Variants in DGCR2 observed in about 807,000 individuals in gnomAD.
DGCR2 encodes integral membrane protein DGCR2/IDD.
Under a neutral mutation model 51.6 loss-of-function variants are expected in DGCR2, and 24 were observed. The ratio of observed to expected loss-of-function variants is 0.47; its 90% CI spans 0.34 to 0.65. The LOEUF is 0.65. Among genes scored for constraint, DGCR2 ranks in the 30% least tolerant of loss-of-function variants. The probability of loss-of-function intolerance (pLI) is 0.01; values close to 1 mark genes in which losing one functional copy is unlikely to be tolerated. For missense variants in DGCR2, 765 were observed against 772.1 expected (o/e 0.99, Z 0.11); for synonymous variants, 340 against 315.4 (o/e 1.08, Z -0.82).
At chr22:19,115,850 G>A (rs1273731105) in intron 1 of DGCR2, among the ~76,000 whole-genome samples, 1 of 152,164 alleles carries the variant, frequency 6.6e-6, no homozygotes, top group African/African-American at 2.4e-5. Context: ...GCCACCTCCT[G>A]AGGGAGCTCT....
intron 2 of DGCR2, among the ~76,000 whole-genome samples, chr22:19,070,624 C>T (rs189868202): frequency 2.1e-4 from 32 of 152,340 alleles, no homozygotes; most frequent in Non-Finnish European, 4.3e-4. Flanking sequence ...TGAGTGAAGT[C>T]ATCTGCCCCC....
chr22:19,092,893 A>G (rs1223000705), intron 1 of DGCR2, among the ~76,000 whole-genome samples: 1 of 120,158 alleles, frequency 8.3e-6, no homozygotes, highest in African/African-American at 3.5e-5. Context: ...AGAAAGAAAA[A>G]TGAAGAGGAG....
chr22:19,051,601 C>T (rs767137529), intron 6 of DGCR2, among the ~76,000 whole-genome samples: 1 of 152,148 alleles, frequency 6.6e-6, no homozygotes, highest in African/African-American at 2.4e-5. Flanking sequence ...CGGTGCACAC[C>T]TACAGTTCCA....
intron 1 of DGCR2, among the ~76,000 whole-genome samples, chr22:19,118,260 A>G (rs959028396): frequency 6.6e-6 from 1 of 150,440 alleles, no homozygotes; most frequent in African/African-American, 2.5e-5. Context: ...AATCAAAGTT[A>G]CTCTGGAGGC....
intron 2 of DGCR2, among the ~76,000 whole-genome samples, chr22:19,073,588 C>T (rs915017584): frequency 6.6e-6 from 1 of 152,136 alleles, no homozygotes; most frequent in African/African-American, 2.4e-5. Flanking sequence ...AGGAAGAAAA[C>T]AAGTTATGTT....
intron 1 of DGCR2, among the ~76,000 whole-genome samples, 190 bp from the exon 2 acceptor site, chr22:19,089,680 A>T (rs914143564): frequency 1.3e-5 from 2 of 152,244 alleles, no homozygotes; most frequent in Non-Finnish European, 2.9e-5. Flanking sequence ...TTCCGTGTTC[A>T]AGCAATTCTT....
At position 19,094,754 on chromosome 22, in the gene DGCR2, T is replaced by C. The variant is rs190760795; in HGVS notation, c.80-5264A>G. ...CAAACAGTGTCTATCAAGAAGCAAA[T>C]TGGTAAGTTGTGTACAGCCATACAA... On this transcript the variant is annotated intron_variant, in intron 1 of 9. Coordinates refer to ENST00000263196, the MANE Select transcript of DGCR2 (RefSeq NM_005137.3). Among the ~76,000 whole-genome samples, 28 of 152,240 alleles carry C rather than the reference T, an allele frequency of 1.8e-4. No homozygotes were observed. The East Asian group carries it at 4.6e-3, about 25-fold the overall frequency.
chr22:19,088,319 G>A (rs1356335711), intron 2 of DGCR2, among the ~76,000 whole-genome samples: 1 of 152,206 alleles, frequency 6.6e-6, no homozygotes, highest in African/African-American at 2.4e-5. Context: ...GGGACTGGAA[G>A]AAGCCAATCT....
chr22:19,074,952 A>G (rs541620498), intron 2 of DGCR2, among the ~76,000 whole-genome samples: 3 of 152,290 alleles, frequency 2.0e-5, no homozygotes, highest in African/African-American at 7.2e-5. Context: ...TAATTTATAC[A>G]GGCCTTTTTA....
At chr22:19,066,410 AAAACAAACAAAAAAC>A (rs2082749440) in intron 3 of DGCR2, among the ~76,000 whole-genome samples, 2 of 151,704 alleles carry the variant, frequency 1.3e-5, no homozygotes, top group African/African-American at 2.4e-5. Context: ...TGTCTGAAAA[AAAACAAACAAAAAAC>A]AAACAAACAA....
chr22:19,074,453 C>T (rs986552197), intron 2 of DGCR2, among the ~76,000 whole-genome samples: 5 of 148,408 alleles, frequency 3.4e-5, no homozygotes, highest in African/African-American at 1.2e-4. Flanking sequence ...GTTGTGCCAA[C>T]AAAAAGGAAA....
chr22:19,044,403 T>C (rs897464066), intron 7 of DGCR2, among the ~76,000 whole-genome samples: 24 of 152,238 alleles, frequency 1.6e-4, no homozygotes, highest in Middle Eastern at 3.2e-3. Flanking sequence ...CACCATTTCA[T>C]TGAGCTTGGT....
intron 2 of DGCR2, among the ~76,000 whole-genome samples, chr22:19,081,316 C>T (rs752799078): frequency 6.5e-4 from 99 of 152,184 alleles, no homozygotes; most frequent in Admixed American, 1.2e-3. Context: ...TTGTGTATCA[C>T]TGCGCTTATT....
rs926401781 is a variant in DGCR2 at position 19,107,996 on chromosome 22, T to C, written c.79+14132A>G. Among the ~76,000 whole-genome samples, 3 of 152,208 alleles carry C rather than the reference T, an allele frequency of 2.0e-5. No individual in the cohort carries two copies. The East Asian group carries it at 5.8e-4, about 29-fold the overall frequency. On this transcript the variant is annotated intron_variant, in intron 1 of 9. Transcript: ENST00000263196. Reference sequence around the variant, plus strand: ...ATCAAGTGCTTAGAATACATTATTATGAATCCTTAAGACAACTCATTTGCT... The same window carrying C: ...ATCAAGTGCTTAGAATACATTATTACGAATCCTTAAGACAACTCATTTGCT...
intron 2 of DGCR2, among the ~76,000 whole-genome samples, chr22:19,075,970 A>AGGCG (rs1569064433): frequency 6.6e-6 from 1 of 151,854 alleles, no homozygotes; most frequent in African/African-American, 2.4e-5. Context: ...TTCTACTTTT[A>AGGCG]TTTTTTGAGA....
At position 19,037,625 on chromosome 22, in the gene DGCR2, G is replaced by A. The variant is rs920622363; in HGVS notation, c.*1240C>T. 1 of 152,170 alleles carries A rather than the reference G, an allele frequency of 6.6e-6. No homozygotes were observed. The highest frequency in any genetic ancestry group is 2.4e-5 in the African/African-American group (1 of 41,418). The allele number at this position is 152,170 out of a possible 1,614,324, so 9.4% of individuals were successfully genotyped here. Reference sequence around the variant, plus strand: ...ACACACAGAGACACAAACATACAAAGGAAAGATCCAGACATTCAACGTAGA... The same window carrying A: ...ACACACAGAGACACAAACATACAAAAGAAAGATCCAGACATTCAACGTAGA... On this transcript the variant is annotated 3_prime_UTR_variant, in exon 10 of 10. Transcript: ENST00000263196.
At chr22:19,077,905 T>C (rs9605931) in intron 2 of DGCR2, among the ~76,000 whole-genome samples, 50 of 152,048 alleles carry the variant, frequency 3.3e-4, no homozygotes, top group South Asian at 6.2e-4. Context: ...CTCAGCTTAC[T>C]GCAATCTTCA....
intron 3 of DGCR2, 200 bp from the exon 4 acceptor site, chr22:19,065,267 C>A: frequency 1.7e-6 from 1 of 585,288 alleles, no homozygotes; most frequent in Non-Finnish European, 3.0e-6. Flanking sequence ...TTCAATGATA[C>A]AAGTACATTC....
Position 19,062,779 on chromosome 22 carries a change from ACTCTCT to A in DGCR2, c.625+417_625+422del, listed in dbSNP as rs11471797. Among the ~76,000 whole-genome samples, 31 of 127,434 alleles carry A rather than the reference ACTCTCT, an allele frequency of 2.4e-4. 1 individual carries two copies. The highest frequency in any genetic ancestry group is 4.6e-4 in the African/African-American group (17 of 37,268). 83.6% of individuals were successfully genotyped at this position (127,434 alleles called of 152,430 possible). Reference sequence around the variant, plus strand: ...TGCGCACACACACACATGCATGCTCACTCTCTCTCTCTCTCTCTCTCTCTCTCTATC... The same window carrying A: ...TGCGCACACACACACATGCATGCTCACTCTCTCTCTCTCTCTCTCTCTATC... On this transcript the variant is annotated intron_variant, in intron 5 of 9. Coordinates refer to ENST00000263196, the MANE Select transcript of DGCR2 (RefSeq NM_005137.3).
Sources: allele counts gnomAD v4.1 joint callset (sites outside exome capture counted in the v4.1 genomes callset), GRCh38; gene constraint gnomAD v4.1.1; transcripts MANE v1.5; gene names NCBI Gene and HGNC (gene_info 2026-07-23, HGNC 2026-07-21).